The following SMARCA4 variants were observed in gnomAD, a reference collection of about 807,000 sequenced individuals.
The protein encoded by SMARCA4 is SWI/SNF related BAF chromatin remodeling complex subunit ATPase 4, also known as SWI/SNF-related matrix-associated actin-dependent regulator of chromatin subfamily A member 4.
Under a neutral mutation model 193.9 loss-of-function variants are expected in SMARCA4, and 31 were observed. That is an observed-to-expected ratio of 0.16 (90% CI 0.12 to 0.22). SMARCA4 has a LOEUF of 0.22. Ranked by LOEUF, SMARCA4 falls within the 10% of genes least tolerant of loss-of-function variation. The probability of loss-of-function intolerance (pLI) is 1.00; values close to 1 mark genes in which losing one functional copy is unlikely to be tolerated. For missense variants in SMARCA4, 1,148 were observed against 2,296.0 expected (o/e 0.50, Z 10.22); for synonymous variants, 942 against 933.1 (o/e 1.01, Z -0.17).
intron 1 of SMARCA4, among the ~76,000 whole-genome samples, chr19:10,975,759 T>C (rs2085078279): frequency 6.6e-6 from 1 of 152,232 alleles, no homozygotes; most frequent in Non-Finnish European, 1.5e-5. Flanking sequence ...GTTAACCTCC[T>C]GGACTTTTAA....
chr19:10,995,263 C>G (rs2086921758), intron 9 of SMARCA4: 1 of 620,592 alleles, frequency 1.6e-6, no homozygotes, highest in African/African-American at 1.8e-5. Flanking sequence ...GGTGGTGCCC[C>G]CTTCCCTCGT....
rs1033798606 is a variant in SMARCA4, at chr19:10,985,158, G to A, written c.223-115G>A. On this transcript the variant is annotated intron_variant, in intron 2 of 34. Coordinates refer to ENST00000344626, the MANE Select transcript of SMARCA4 (RefSeq NM_003072.5). The surrounding 1 kb of genome is among the most constrained non-coding windows in gnomAD (Gnocchi z 4.5). ...CATGCTGGGGACTGGGGAGATGCGC[G>A]TCATCTTCGGGTGGCTGTTCTCGGT... 5.3e-5 allele frequency: 57 copies of A among 1,076,492 alleles called. No individual in the cohort carries two copies. The highest frequency in any genetic ancestry group is 7.1e-5 in the Non-Finnish European group (50 of 704,038). 66.7% of individuals were successfully genotyped at this position (1,076,492 alleles called of 1,614,324 possible).
intron 30 of SMARCA4, among the ~76,000 whole-genome samples, chr19:11,054,879 C>T (rs901435638): frequency 6.6e-6 from 1 of 152,146 alleles, no homozygotes; most frequent in Non-Finnish European, 1.5e-5. Flanking sequence ...GGTGGACTCC[C>T]CTTTGTAGGC....
chr19:11,015,198 A>C (rs1161966284), intron 16 of SMARCA4, among the ~76,000 whole-genome samples: 1 of 152,204 alleles, frequency 6.6e-6, no homozygotes, highest in African/African-American at 2.4e-5. Context: ...TCATAACCCC[A>C]AGACAATTAT....
intron 1 of SMARCA4, among the ~76,000 whole-genome samples, chr19:10,973,805 C>T (rs374373955): frequency 2.0e-4 from 30 of 152,228 alleles, no homozygotes; most frequent in African/African-American, 7.0e-4. Context: ...TCCTGACCCT[C>T]GTGATCCACC....
chr19:11,059,259 C>T (rs1338804849), intron 32 of SMARCA4: 8 of 303,742 alleles, frequency 2.6e-5, no homozygotes, highest in East Asian at 1.6e-4. Flanking sequence ...ATTTTAAATT[C>T]CCTGGGGCAC....
At chr19:11,060,663 T>C (rs568425127) in intron 34 of SMARCA4, among the ~76,000 whole-genome samples, 1 of 152,206 alleles carries the variant, frequency 6.6e-6, no homozygotes, top group Non-Finnish European at 1.5e-5. Flanking sequence ...ACTTGCTGGC[T>C]TTAAATAATC....
At chr19:11,003,485 G>A (rs1181971226) in intron 13 of SMARCA4, 88 bp downstream of exon 13, 3 of 1,274,394 alleles carry the variant, frequency 2.4e-6, no homozygotes, top group Admixed American at 1.7e-5. Flanking sequence ...TCCTGCCCTG[G>A]CTGGGCATCT....
At chr19:11,049,303 G>C (rs1485707942) in intron 30 of SMARCA4, among the ~76,000 whole-genome samples, 1 of 152,168 alleles carries the variant, frequency 6.6e-6, no homozygotes. Context: ...TTGGTGGTTT[G>C]AAATCTCAAA....
chr19:10,969,895 A>C (rs369020532), intron 1 of SMARCA4, among the ~76,000 whole-genome samples: 2 of 152,098 alleles, frequency 1.3e-5, no homozygotes, highest in South Asian at 2.1e-4. Flanking sequence ...GCAGCTCCCC[A>C]CTGCACTGGA....
chr19:11,008,548 C>G (rs2088472228), intron 14 of SMARCA4, among the ~76,000 whole-genome samples: 1 of 152,234 alleles, frequency 6.6e-6, no homozygotes, highest in Non-Finnish European at 1.5e-5. Context: ...ACGTTATATT[C>G]TCATTTTCGT....
At chr19:11,010,772 C>T (rs2088755601) in intron 15 of SMARCA4, 5 of 549,974 alleles carry the variant, frequency 9.1e-6, no homozygotes, top group Non-Finnish European at 1.7e-5. Context: ...CCCGATGTGC[C>T]AGGCAGAGTG....
At chr19:11,036,474 G>C (rs1600419160) in intron 29 of SMARCA4, among the ~76,000 whole-genome samples, 1 of 152,008 alleles carries the variant, frequency 6.6e-6, no homozygotes, top group African/African-American at 2.4e-5. Context: ...ACTCAGGCTG[G>C]TCTCAAACTC....
intron 34 of SMARCA4, 40 bp from the exon 35 acceptor site, chr19:11,061,744 G>A (rs757566186): frequency 1.2e-6 from 2 of 1,606,314 alleles, no homozygotes. Flanking sequence ...CCCTGGCAGG[G>A]GTGGCCAACG....
rs547011615 is a variant in SMARCA4 at position 11,034,018 on chromosome 19, C to T, written c.3874-105C>T. 24 of 867,432 alleles carry T rather than the reference C, an allele frequency of 2.8e-5. No individual in the cohort carries two copies. Among genetic ancestry groups the T allele is most frequent in the South Asian group, 1.4e-4 (11 of 76,024 alleles). The allele number at this position is 867,432 out of a possible 1,614,324, so 53.7% of individuals were successfully genotyped here. On this transcript the variant is annotated intron_variant, in intron 27 of 34. Coordinates refer to ENST00000344626, the MANE Select transcript of SMARCA4 (RefSeq NM_003072.5). The surrounding 1 kb of genome is among the most constrained non-coding windows in gnomAD (Gnocchi z 7.0). ...GGGTCCCCATCCACCGCAGCCGTGC[C>T]GGGACCACCAGCTCATTCCCACGGA... is the stretch of plus-strand genomic sequence containing the variant.
Position 11,034,458 on chromosome 19 carries a change from C to T in SMARCA4, c.3951+258C>T, listed in dbSNP as rs1000816470. Among the ~76,000 whole-genome samples, 5 of 152,174 alleles carry T rather than the reference C, an allele frequency of 3.3e-5. No individual in the cohort carries two copies. Among genetic ancestry groups the T allele is most frequent in the Non-Finnish European group, 5.9e-5 (4 of 68,014 alleles). The stretch of plus-strand genomic sequence containing the variant: ...CTGCCCCACCAGCTCTGTTTTCTAA[C>T]GGGCTCTCCAGGGCTTCATGCACTC... On this transcript the variant is annotated intron_variant, in intron 28 of 34. Coordinates refer to ENST00000344626, the MANE Select transcript of SMARCA4 (RefSeq NM_003072.5). The surrounding 1 kb of genome is among the most constrained non-coding windows in gnomAD (Gnocchi z 7.0).
At chr19:11,012,753 G>A (rs1287521914) in intron 15 of SMARCA4, 196 bp from the exon 16 acceptor site, 4 of 643,762 alleles carry the variant, frequency 6.2e-6, no homozygotes, top group East Asian at 5.6e-5. Flanking sequence ...CTTCACAGAC[G>A]TTATTGCTAA....
At chr19:11,040,434 A>G (rs1763526359) in intron 29 of SMARCA4, 1 of 151,486 alleles carries the variant, frequency 6.6e-6, no homozygotes, top group Non-Finnish European at 1.5e-5. Flanking sequence ...TCTACTAAAA[A>G]TACAAAAATT....
chr19:10,961,972 AT>A (rs1291248772), intron 1 of SMARCA4, among the ~76,000 whole-genome samples: 121 of 121,764 alleles, frequency 9.9e-4, no homozygotes, highest in Middle Eastern at 4.2e-3. Flanking sequence ...ACCAGTCTTG[AT>A]TTTTTTTTTT....
Sources: gnomAD v4.1 joint callset for allele counts (sites outside exome capture counted in the v4.1 genomes callset) on GRCh38, gnomAD v4.1.1 for gene constraint, Gnocchi (gnomAD v3.1) non-coding constraint, MANE v1.5 for transcripts, NCBI Gene and HGNC (gene_info 2026-07-23, HGNC 2026-07-21) for gene names.